CCBE1: variants seen among roughly 807,000 people sequenced by gnomAD.
The protein encoded by CCBE1 is collagen and calcium binding EGF domains 1.
Under a neutral mutation model 50.0 loss-of-function variants are expected in CCBE1, and 37 were observed. The ratio of observed to expected loss-of-function variants is 0.74; its 90% CI spans 0.57 to 0.97. CCBE1 has a LOEUF of 0.97. CCBE1 is among the 50% of genes least tolerant of loss of function. CCBE1 has a pLI of 0.00. For missense variants in CCBE1, 538 were observed against 523.8 expected, an observed-to-expected ratio of 1.03 and a Z score of -0.26; for synonymous variants, 234 against 203.7, an observed-to-expected ratio of 1.15 and a Z score of -1.27.
chr18:59,613,867 T>TTTTTTTG (rs2053603511), intron 2 of CCBE1, among the ~76,000 whole-genome samples: 1 of 102,144 alleles, frequency 9.8e-6, no homozygotes, highest in African/African-American at 6.0e-5. Flanking sequence ...TGATGGGTTT[T>TTTTTTTG]TTTTTTTTTT....
intron 7 of CCBE1, among the ~76,000 whole-genome samples, chr18:59,444,252 C>G (rs1235641779): frequency 6.6e-6 from 1 of 152,052 alleles, no homozygotes; most frequent in Non-Finnish European, 1.5e-5. Context: ...TCTTCAAGAT[C>G]CTGCTTTTAA....
intron 2 of CCBE1, among the ~76,000 whole-genome samples, chr18:59,557,174 C>T (rs1228607484): frequency 2.0e-5 from 3 of 152,188 alleles, no homozygotes; most frequent in Non-Finnish European, 4.4e-5. Flanking sequence ...CCATGCATGT[C>T]ACAGGCAATG....
At chr18:59,658,716 C>T (rs1302549074) in intron 2 of CCBE1, among the ~76,000 whole-genome samples, 2 of 151,250 alleles carry the variant, frequency 1.3e-5, no homozygotes, top group African/African-American at 4.9e-5. Flanking sequence ...CCTGTCTCTA[C>T]TGAAAATACA....
At position 59,527,171 on chromosome 18, in the gene CCBE1, A is replaced by C. The variant is rs372414627; in HGVS notation, c.213-46933T>G. Among the ~76,000 whole-genome samples the C allele has an allele frequency of 6.7e-4, 102 of 152,296 alleles. No homozygotes were observed. The South Asian group carries it at 0.011, about 17-fold the overall frequency. ...TAGTTCTCTAAGAACTTGTTTTATG[A>C]ATCTGAGTGCTCCTGTACTGGGTGC... On this transcript the variant is annotated intron_variant, in intron 2 of 10. Coordinates refer to ENST00000439986, the MANE Select transcript of CCBE1 (RefSeq NM_133459.4).
rs1222875978 is a variant in CCBE1, at chr18:59,509,927, G to A, written c.213-29689C>T. 6.6e-5 allele frequency among the ~76,000 whole-genome samples: 10 copies of A among 152,192 alleles called. 1 individual carries two copies. Among genetic ancestry groups the A allele is most frequent in the Admixed American group, 6.5e-4 (10 of 15,282 alleles). ...GGGATGGTCTAAGGGGAAGGCCAGG[G>A]AGGGGAGTGGCTGTGCACATTTTGT... On this transcript the variant is annotated intron_variant, in intron 2 of 10. Coordinates refer to ENST00000439986, the MANE Select transcript of CCBE1 (RefSeq NM_133459.4).
chr18:59,587,049 A>G (rs1009537873), intron 2 of CCBE1, among the ~76,000 whole-genome samples: 1 of 152,240 alleles, frequency 6.6e-6, no homozygotes, highest in Non-Finnish European at 1.5e-5. Context: ...TCATTTCGTT[A>G]GGAAGAAAAA....
intron 2 of CCBE1, among the ~76,000 whole-genome samples, chr18:59,508,184 C>A (rs1346574763): frequency 2.0e-5 from 3 of 152,014 alleles, no homozygotes; most frequent in African/African-American, 4.8e-5. Context: ...AGCCACTGCG[C>A]CCCGCCGTTA....
At chr18:59,459,756 C>T (rs1451806573) in intron 5 of CCBE1, among the ~76,000 whole-genome samples, 1 of 152,116 alleles carries the variant, frequency 6.6e-6, no homozygotes, top group African/African-American at 2.4e-5. Context: ...AATATCCAAC[C>T]CCGGAGGCAC....
intron 2 of CCBE1, among the ~76,000 whole-genome samples, chr18:59,579,514 G>C (rs1356392723): frequency 6.6e-6 from 1 of 152,186 alleles, no homozygotes. Flanking sequence ...TCTAAGATTG[G>C]AAACTACTAT....
chr18:59,620,323 CTGGTTGGAGGAGAAGAATT>C (rs2053696146), intron 2 of CCBE1, among the ~76,000 whole-genome samples: 3 of 152,034 alleles, frequency 2.0e-5, no homozygotes, highest in South Asian at 4.1e-4. Flanking sequence ...GAGCATTTAC[CTGGTTGGAGGAGAAGAATT>C]TGGTTGGAGG....
intron 2 of CCBE1, among the ~76,000 whole-genome samples, chr18:59,492,338 C>T (rs1913150954): frequency 6.6e-6 from 1 of 151,994 alleles, no homozygotes; most frequent in Admixed American, 6.6e-5. Context: ...TCTGCTATTC[C>T]CTTTTATCTA....
chr18:59,494,116 A>C (rs532191112), intron 2 of CCBE1, among the ~76,000 whole-genome samples: 378 of 152,352 alleles, frequency 2.5e-3, no homozygotes, highest in Non-Finnish European at 4.3e-3. Flanking sequence ...CACACAAGAC[A>C]GAGCAATACA....
Position 59,435,857 on chromosome 18 carries a change from T to C in CCBE1, c.*51A>G, listed in dbSNP as rs532676445. ...CTTTCTTCTCTTTAGATGGTTTAAC[T>C]GCAGGTGAGTTGATCTTTCTCTTCC... On this transcript the variant is annotated 3_prime_UTR_variant, in exon 11 of 11. Coordinates refer to ENST00000439986, the MANE Select transcript of CCBE1 (RefSeq NM_133459.4). The C allele has an allele frequency of 6.7e-7, 1 of 1,490,484 alleles. No individual in the cohort carries two copies. The highest frequency in any genetic ancestry group is 2.3e-5 in the East Asian group (1 of 44,326). 92.3% of individuals were successfully genotyped at this position (1,490,484 alleles called of 1,614,324 possible). A position where few individuals can be genotyped will look rare whatever the true frequency, so the allele number is the denominator to read the frequency against.
At chr18:59,551,999 C>T (rs1241416233) in intron 2 of CCBE1, among the ~76,000 whole-genome samples, 1 of 152,204 alleles carries the variant, frequency 6.6e-6, no homozygotes, top group African/African-American at 2.4e-5. Context: ...CACGCCTTGG[C>T]CACTCATGGC....
At chr18:59,459,847 G>T (rs1025359295) in intron 5 of CCBE1, among the ~76,000 whole-genome samples, 47 of 152,302 alleles carry the variant, frequency 3.1e-4, no homozygotes, top group African/African-American at 1.1e-3. Flanking sequence ...AACAGTATCA[G>T]CATTTTTAAA....
chr18:59,656,215 T>C (rs1022529023), intron 2 of CCBE1, among the ~76,000 whole-genome samples: 2 of 152,148 alleles, frequency 1.3e-5, no homozygotes, highest in Admixed American at 1.3e-4. Context: ...TCAGAAAAAG[T>C]GTTAAGTTAA....
intron 2 of CCBE1, among the ~76,000 whole-genome samples, chr18:59,507,158 T>C (rs748920969): frequency 7.2e-5 from 11 of 152,154 alleles, no homozygotes; most frequent in Admixed American, 2.0e-4. Context: ...AAATCAACCA[T>C]ATCTTCTTTC....
At chr18:59,623,915 G>T (rs1427147024) in intron 2 of CCBE1, among the ~76,000 whole-genome samples, 1 of 152,206 alleles carries the variant, frequency 6.6e-6, no homozygotes, top group Non-Finnish European at 1.5e-5. Context: ...GATGGGCCAA[G>T]GCTGTCAAAA....
intron 2 of CCBE1, among the ~76,000 whole-genome samples, chr18:59,625,904 C>G (rs939237896): frequency 6.6e-6 from 1 of 152,190 alleles, no homozygotes; most frequent in African/African-American, 2.4e-5. Context: ...GAGGAACAGG[C>G]TCTCAGACAC....
Sources: gnomAD v4.1 joint callset for allele counts (sites outside exome capture counted in the v4.1 genomes callset) on GRCh38, gnomAD v4.1.1 for gene constraint, MANE v1.5 for transcripts, NCBI Gene and HGNC (gene_info 2026-07-23, HGNC 2026-07-21) for gene names.